ZFR2: variants seen among roughly 807,000 people sequenced by gnomAD.
ZFR2 encodes the protein zinc finger RNA binding protein 2.
A neutral mutation model predicts 105.7 loss-of-function variants in ZFR2; 104 were observed. The ratio of observed to expected loss-of-function variants is 0.98; its 90% CI spans 0.84 to 1.16. The LOEUF (loss-of-function observed/expected upper bound fraction) is 1.16, where lower values mean the gene tolerates loss of function less well. Among genes scored for constraint, ZFR2 ranks in the 50% most tolerant of loss-of-function variants. The probability of loss-of-function intolerance (pLI) is 0.00; values close to 1 mark genes in which losing one functional copy is unlikely to be tolerated. For missense variants in ZFR2, 1,425 were observed against 1,355.5 expected (o/e 1.05, Z -0.80); for synonymous variants, 634 against 597.7 (o/e 1.06, Z -0.89).
intron 1 of ZFR2, among the ~76,000 whole-genome samples, chr19:3,846,254 G>C (rs1177278054): frequency 6.6e-6 from 1 of 152,262 alleles, no homozygotes; most frequent in Non-Finnish European, 1.5e-5. Flanking sequence ...TGGGATTACA[G>C]GCGTGAGCCA....
At chr19:3,867,304 T>TGGTG (rs1555762878) in intron 1 of ZFR2, among the ~76,000 whole-genome samples, 4 of 149,656 alleles carry the variant, frequency 2.7e-5, no homozygotes, top group Admixed American at 6.6e-5. Context: ...GATCAACTGT[T>TGGTG]GGGGGGGGAA....
At chr19:3,808,197 GTGTA>G in intron 17 of ZFR2, among the ~76,000 whole-genome samples, 1 of 146,916 alleles carries the variant, frequency 6.8e-6, no homozygotes, top group African/African-American at 2.5e-5. Context: ...GCACGTGCCT[GTGTA>G]TGTGCGTGTG....
At chr19:3,854,898 T>C (rs1221449347) in intron 1 of ZFR2, among the ~76,000 whole-genome samples, 1 of 152,056 alleles carries the variant, frequency 6.6e-6, no homozygotes, top group Non-Finnish European at 1.5e-5. Flanking sequence ...TAGCTGAGAC[T>C]ACAGGTGTGC....
At chr19:3,861,224 GA>G in intron 1 of ZFR2, among the ~76,000 whole-genome samples, 1 of 152,258 alleles carries the variant, frequency 6.6e-6, no homozygotes, top group South Asian at 2.1e-4. Context: ...TACCTTAGGG[GA>G]AAAAAACCTG....
At chr19:3,833,258 A>G (rs537688307) in intron 3 of ZFR2, among the ~76,000 whole-genome samples, 215 of 146,042 alleles carry the variant, frequency 1.5e-3, no homozygotes, top group African/African-American at 5.1e-3. Flanking sequence ...CAAAAAAAAA[A>G]AAAAAAAAGA....
chr19:3,862,399 G>A (rs1279020783), intron 1 of ZFR2, among the ~76,000 whole-genome samples: 2 of 152,138 alleles, frequency 1.3e-5, no homozygotes, highest in Admixed American at 1.3e-4. Flanking sequence ...CCGGATTCAA[G>A]CGATTCTCCT....
Position 3,813,832 on chromosome 19 carries a change from A to C in ZFR2, c.2230T>G (p.Ser744Ala). 6.2e-7 allele frequency: 1 copy of C among 1,613,722 alleles called. No homozygotes were observed. The highest frequency in any genetic ancestry group is 8.5e-7 in the Non-Finnish European group (1 of 1,179,834). Residue 744 changes from serine to alanine, a missense_variant, in exon 14 of 19, where the codon TCC becomes GCC. By Grantham distance (99) the Ser-to-Ala change is moderately conservative. Transcript: ENST00000262961. The surrounding 1 kb of genome is among the most constrained non-coding windows in gnomAD (Gnocchi z 4.4). ...VTSPLMREDP[S>A]TDPGVEEPQA... The stretch of plus-strand genomic sequence containing the variant: ...GGCTGGGCCGCACCTGGGTCTGTGG[A>C]GGGGTCCTCCCGCATCAGAGGTGAG...
At chr19:3,844,343 T>G (rs868321487) in intron 1 of ZFR2, among the ~76,000 whole-genome samples, 13 of 152,158 alleles carry the variant, frequency 8.5e-5, no homozygotes, top group South Asian at 2.1e-4. Flanking sequence ...TAAAAAAACA[T>G]ACAAATGAAG....
chr19:3,822,065 C>CCCCTG lies in ZFR2; in HGVS notation c.1491+11_1491+15dup. 6.3e-7 allele frequency: 1 copy of CCCCTG among 1,585,592 alleles called. No individual in the cohort carries two copies. The highest frequency in any genetic ancestry group is 1.1e-5 in the South Asian group (1 of 87,064). Reference sequence around the variant, plus strand: ...ACAGCCCGGACGGGTGTCGGAGCTCCCCCTGCTGGACGCACCCGGTACTGC... The same window carrying CCCCTG: ...ACAGCCCGGACGGGTGTCGGAGCTCCCCCTGCCCTGCTGGACGCACCCGGTACTGC... On this transcript the variant is annotated intron_variant, in intron 9 of 18. Coordinates refer to ENST00000262961, the MANE Select transcript of ZFR2 (RefSeq NM_015174.2).
intron 13 of ZFR2, among the ~76,000 whole-genome samples, chr19:3,814,670 T>C (rs751694934): frequency 2.6e-5 from 4 of 152,244 alleles, no homozygotes; most frequent in Non-Finnish European, 5.9e-5. Flanking sequence ...CTGCAAGTTT[T>C]CCAGAAAGCA....
Position 3,819,188 on chromosome 19 carries a change from C to T in ZFR2, c.1788G>A (p.Lys596=). The T allele has an allele frequency of 6.3e-7, 1 of 1,589,490 alleles. No individual in the cohort carries two copies. Among genetic ancestry groups the T allele is most frequent in the Non-Finnish European group, 8.5e-7 (1 of 1,173,256 alleles). ...GCTCCGTGGGGTAGATGGTGGCGTGCTTGCACATGACGTGCCGGTCGTCGC... is the reference window on the plus strand; with the variant it reads ...GCTCCGTGGGGTAGATGGTGGCGTGTTTGCACATGACGTGCCGGTCGTCGC... The part of the protein sequence containing the change: ...ASSDDRHVMC[K]HATIYPTEQE... The change falls in exon 12 of 19, where the codon AAG becomes AAA. Residue 596 remains lysine, a synonymous_variant. Transcript: ENST00000262961.
rs757664403 is a variant in ZFR2 at position 3,813,805 on chromosome 19, A to G, written c.2242+15T>C. On this transcript the variant is annotated intron_variant, in intron 14 of 18. Transcript: ENST00000262961. This position sits in a 1 kb window ranked among gnomAD's most constrained non-coding sequence, Gnocchi z 4.4. Reference sequence around the variant, plus strand: ...GTGAGGGGGACAGTGGTTGGAAGGAAGGGCTGGGCCGCACCTGGGTCTGTG... The same window carrying G: ...GTGAGGGGGACAGTGGTTGGAAGGAGGGGCTGGGCCGCACCTGGGTCTGTG... 5.0e-6 allele frequency: 8 copies of G among 1,612,812 alleles called. No homozygotes were observed. The highest frequency in any genetic ancestry group is 6.8e-6 in the Non-Finnish European group (8 of 1,179,452).
intron 1 of ZFR2, among the ~76,000 whole-genome samples, chr19:3,857,525 T>C (rs1332377690): frequency 1.1e-5 from 1 of 92,758 alleles, no homozygotes; most frequent in Non-Finnish European, 2.0e-5. Flanking sequence ...GCCAACATGG[T>C]GTATACAAAA....
rs760793771 is a variant in ZFR2, at chr19:3,820,200, G to A, written c.1722C>T (p.Pro574=). ...TACCTACCTGGAGTGGGGCGCTGGC[G>A]GGTGACTCCGGCCTGCCCATGAGCA... ...QPLLMGRPES[P]ASAPLQPGRR... The change falls in exon 11 of 19, where the codon CCC becomes CCT. Residue 574 remains proline (P), a synonymous_variant. Coordinates refer to ENST00000262961, the MANE Select transcript of ZFR2 (RefSeq NM_015174.2). The A allele has an allele frequency of 1.3e-5, 20 of 1,552,300 alleles. No homozygotes were observed. The Middle Eastern group carries it at 2.0e-3, about 155-fold the overall frequency.
intron 1 of ZFR2, among the ~76,000 whole-genome samples, chr19:3,851,014 C>A (rs1161087196): frequency 6.6e-6 from 1 of 151,770 alleles, no homozygotes; most frequent in African/African-American, 2.4e-5. Flanking sequence ...AGAGCCCTCA[C>A]CAGAAACCAC....
rs1387568345 is a variant in ZFR2 at position 3,834,985 on chromosome 19, T to C, written c.54-2A>G. 7 of 1,607,158 alleles carry C rather than the reference T, an allele frequency of 4.4e-6. No individual in the cohort carries two copies. The highest frequency in any genetic ancestry group is 5.9e-6 in the Non-Finnish European group (7 of 1,177,848). On this transcript the variant is annotated splice_acceptor_variant, in intron 1 of 18. Coordinates refer to ENST00000262961, the MANE Select transcript of ZFR2 (RefSeq NM_015174.2). LOFTEE classifies it high-confidence loss of function. This position sits in a 1 kb window ranked among gnomAD's most constrained non-coding sequence, Gnocchi z 5.3. ...AGGGGAAGGGTCGGAGGCTGGGCGCTAGAACCACAAACACACACCAAAGCC... is the reference window on the plus strand; with the variant it reads ...AGGGGAAGGGTCGGAGGCTGGGCGCCAGAACCACAAACACACACCAAAGCC...
chr19:3,819,119 C>T lies in ZFR2; in HGVS notation c.1857G>A (p.Arg619=), dbSNP rs373403543. 1.7e-5 allele frequency: 28 copies of T among 1,611,736 alleles called. 1 individual carries two copies. In the African/African-American group the frequency reaches 2.0e-4, roughly 12 times the overall value. The change falls in exon 12 of 19, where the codon CGG becomes CGA. Residue 619 remains arginine (R), a synonymous_variant. Transcript: ENST00000262961. ...AVQRAVSHAE[R]ALKLVSDTLA... ...GTGTGTCGGACACCAGCTTGAGGGC[C>T]CGCTCTGCGTGGGACACGGCCCTCT... is the stretch of plus-strand genomic sequence containing the variant.
intron 15 of ZFR2, 107 bp downstream of exon 15, chr19:3,811,165 C>A: frequency 1.8e-6 from 2 of 1,138,872 alleles, no homozygotes; most frequent in Non-Finnish European, 2.4e-6. Context: ...CCGGTCTGCG[C>A]TGGGAGCCCA....
chr19:3,815,048 T>A (rs891902933), intron 13 of ZFR2, among the ~76,000 whole-genome samples: 2 of 152,100 alleles, frequency 1.3e-5, no homozygotes, highest in African/African-American at 4.8e-5. Flanking sequence ...TGACAGACGC[T>A]CAGGAAGAAG....
Sources: gnomAD v4.1 joint callset for allele counts (sites outside exome capture counted in the v4.1 genomes callset) on GRCh38, gnomAD v4.1.1 for gene constraint, Gnocchi (gnomAD v3.1) non-coding constraint, MANE v1.5 for transcripts, NCBI Gene and HGNC (gene_info 2026-07-23, HGNC 2026-07-21) for gene names.